PARPBP: variants seen among roughly 807,000 people sequenced by gnomAD.
PARPBP encodes the protein PARP1 binding protein, also known as PCNA-interacting partner.
A neutral mutation model predicts 50.0 loss-of-function variants in PARPBP; 52 were observed. The ratio of observed to expected loss-of-function variants is 1.04; its 90% confidence interval spans 0.83 to 1.31. The LOEUF (loss-of-function observed/expected upper bound fraction) is 1.31. Ranked by LOEUF, PARPBP falls within the 50% of genes most tolerant of loss-of-function variation. PARPBP has a pLI of 0.00. For missense variants in PARPBP, 697 were observed against 672.0 expected (o/e 1.04, Z -0.41); for synonymous variants, 244 against 232.1 (o/e 1.05, Z -0.47).
intron 2 of PARPBP, among the ~76,000 whole-genome samples, chr12:102,130,497 A>G (rs949801855): frequency 6.6e-6 from 1 of 152,166 alleles, no homozygotes; most frequent in Admixed American, 6.5e-5. Context: ...ACATCTGACA[A>G]AGGTCTGATA....
At chr12:102,189,468 G>A (rs1400486459) in intron 9 of PARPBP, among the ~76,000 whole-genome samples, 2 of 152,194 alleles carry the variant, frequency 1.3e-5, no homozygotes, top group Admixed American at 6.5e-5. Context: ...TTTGAAGAAC[G>A]GGGTTTTAAA....
chr12:102,142,951 G>T (rs1297774291), intron 2 of PARPBP, among the ~76,000 whole-genome samples: 2 of 152,228 alleles, frequency 1.3e-5, no homozygotes, highest in African/African-American at 4.8e-5. Context: ...GGACCTACTT[G>T]AGGAGGCAGT....
chr12:102,148,536 A>G (rs1018562106), intron 3 of PARPBP, 73 bp downstream of exon 3: 53 of 597,462 alleles, frequency 8.9e-5, no homozygotes, highest in Non-Finnish European at 2.0e-5. Context: ...TTATAGTATC[A>G]CCAGTTATAG....
At position 102,124,029 on chromosome 12, in the gene PARPBP, G is replaced by C. The variant is rs1263036688; in HGVS notation, c.141G>C (p.Glu47Asp). The change falls in exon 2 of 11, where the codon GAG (glutamate) becomes GAC (aspartate). Residue 47 changes from glutamate to aspartate, a missense_variant. Coordinates refer to ENST00000327680, the MANE Select transcript of PARPBP (RefSeq NM_017915.5). ...MLLALQLSMA[E>D]NNKQHSGEFT... ...TGGCATTGCAGCTTTCTATGGCGGA[G>C]AACAACAAACAGGTTGGTAAACTAT... is the stretch of plus-strand genomic sequence containing the variant. 6.5e-7 allele frequency: 1 copy of C among 1,534,234 alleles called. No individual in the cohort carries two copies. Among genetic ancestry groups the C allele is most frequent in the Admixed American group, 2.0e-5 (1 of 50,874 alleles).
intron 2 of PARPBP, among the ~76,000 whole-genome samples, chr12:102,127,579 G>T (rs1882202489): frequency 6.6e-6 from 1 of 151,726 alleles, no homozygotes; most frequent in Non-Finnish European, 1.5e-5. Context: ...TTGATCATTT[G>T]GTATCTTTCT....
At position 102,154,126 on chromosome 12, in the gene PARPBP, T is replaced by C. The variant is rs1886576248; in HGVS notation, c.495+150T>C. 5.7e-6 allele frequency: 3 copies of C among 521,848 alleles called. No individual in the cohort carries two copies. The East Asian group carries it at 8.9e-5, about 15-fold the overall frequency. 32.3% of individuals were successfully genotyped at this position (521,848 alleles called of 1,614,324 possible). On this transcript the variant is annotated intron_variant, in intron 4 of 10. Transcript: ENST00000327680. ...AACTGTATTCGCAAAGAATAATACA[T>C]TGGAGGCTGGTGAGAATGTGATAAA...
intron 6 of PARPBP, among the ~76,000 whole-genome samples, chr12:102,170,436 C>T (rs1458552674): frequency 6.6e-6 from 1 of 152,196 alleles, no homozygotes; most frequent in Admixed American, 6.5e-5. Flanking sequence ...CCTGTATGGC[C>T]TGTTACTGTA....
chr12:102,187,866 G>A (rs1047833840), intron 9 of PARPBP, among the ~76,000 whole-genome samples: 5 of 152,070 alleles, frequency 3.3e-5, no homozygotes, highest in Non-Finnish European at 7.4e-5. Flanking sequence ...ATAAGTTGGG[G>A]AAAATATATT....
At chr12:102,178,381 A>G (rs1280048511) in intron 7 of PARPBP, among the ~76,000 whole-genome samples, 2 of 152,156 alleles carry the variant, frequency 1.3e-5, no homozygotes, top group East Asian at 3.8e-4. Context: ...TCTTTTGATG[A>G]TATTATTTTT....
At chr12:102,160,957 A>AT (rs994444267) in intron 4 of PARPBP, among the ~76,000 whole-genome samples, 32 of 150,460 alleles carry the variant, frequency 2.1e-4, no homozygotes, top group East Asian at 1.7e-3. Flanking sequence ...TCAAAAAAAA[A>AT]AAATATATAT....
At chr12:102,122,630 G>T (rs367638486) in intron 1 of PARPBP, among the ~76,000 whole-genome samples, 1 of 152,196 alleles carries the variant, frequency 6.6e-6, no homozygotes, top group South Asian at 2.1e-4. Context: ...ATAGTCTTGG[G>T]TATATGAAAC....
chr12:102,177,676 A>G (rs1565896506), intron 7 of PARPBP, among the ~76,000 whole-genome samples: 1 of 152,158 alleles, frequency 6.6e-6, no homozygotes, highest in Admixed American at 6.5e-5. Context: ...GTATCTCACA[A>G]TATATTTTAC....
intron 6 of PARPBP, among the ~76,000 whole-genome samples, chr12:102,169,792 G>T (rs1888509070): frequency 6.6e-6 from 1 of 152,088 alleles, no homozygotes; most frequent in African/African-American, 2.4e-5. Context: ...ATTTGGTACA[G>T]GGTAAAGCTT....
chr12:102,142,484 C>T (rs996840334), intron 2 of PARPBP, among the ~76,000 whole-genome samples: 2 of 152,242 alleles, frequency 1.3e-5, no homozygotes, highest in African/African-American at 4.8e-5. Context: ...AAGTCTTCTT[C>T]TCTCAACTCG....
chr12:102,152,933 C>CA (rs80188087), intron 3 of PARPBP, among the ~76,000 whole-genome samples: 1,405 of 80,426 alleles, frequency 0.017, 6 homozygotes, highest in African/African-American at 0.036. Flanking sequence ...AACAGTAAAA[C>CA]AAAAAAAAAA....
chr12:102,194,238 AT>A (rs1176350742), intron 9 of PARPBP, among the ~76,000 whole-genome samples: 2 of 152,016 alleles, frequency 1.3e-5, no homozygotes, highest in East Asian at 1.9e-4. Flanking sequence ...GCTGTTTTAG[AT>A]TTCATGACTG....
At chr12:102,152,007 T>C in intron 3 of PARPBP, 1 of 527,992 alleles carries the variant, frequency 1.9e-6, no homozygotes, top group Non-Finnish European at 3.4e-6. Context: ...GATTTTATTT[T>C]TGTAAATATT....
chr12:102,175,389 G>C (rs1889157631), intron 6 of PARPBP, 94 bp from the exon 7 acceptor site: 1 of 769,320 alleles, frequency 1.3e-6, no homozygotes, highest in Non-Finnish European at 2.1e-6. Context: ...TATATTCTTT[G>C]AAAAGTGTTA....
rs575285123 is a variant in PARPBP at position 102,158,857 on chromosome 12, C to T, written c.495+4881C>T. 2.0e-5 allele frequency among the ~76,000 whole-genome samples: 3 copies of T among 152,044 alleles called. No homozygotes were observed. In the East Asian group the frequency reaches 5.8e-4, roughly 29 times the overall value. Reference sequence around the variant, plus strand: ...GAAAAGAATTAAGCTTTTAGAACTTCGGCTTATAAAGTTTAAAGGAGTATC... The same window carrying T: ...GAAAAGAATTAAGCTTTTAGAACTTTGGCTTATAAAGTTTAAAGGAGTATC... On this transcript the variant is annotated intron_variant, in intron 4 of 10. Transcript: ENST00000327680.
Sources: allele counts gnomAD v4.1 joint callset (sites outside exome capture counted in the v4.1 genomes callset), GRCh38; gene constraint gnomAD v4.1.1; transcripts MANE v1.5; gene names NCBI Gene and HGNC (gene_info 2026-07-23, HGNC 2026-07-21).